RANBP17: variants seen among roughly 807,000 people sequenced by gnomAD.
The protein encoded by RANBP17 is ran-binding protein 17.
RANBP17 carries 158 observed loss-of-function variants against 141.2 expected under a neutral mutation model. That is an observed-to-expected ratio of 1.12 (90% confidence interval 0.98 to 1.28). The LOEUF (loss-of-function observed/expected upper bound fraction) is 1.28. Among genes scored for constraint, RANBP17 ranks in the 50% most tolerant of loss-of-function variants. The pLI, the probability that RANBP17 is intolerant of heterozygous loss-of-function variation, is 0.00. For synonymous variants in RANBP17, 430 were observed against 450.0 expected (o/e 0.96, Z 0.56); for missense variants, 1,438 against 1,290.7 (o/e 1.11, Z -1.75).
At chr5:171,262,024 A>T (rs1766364366) in intron 24 of RANBP17, among the ~76,000 whole-genome samples, 1 of 152,194 alleles carries the variant, frequency 6.6e-6, no homozygotes, top group African/African-American at 2.4e-5. Flanking sequence ...TATTGCGAGG[A>T]TATATGCTCC....
Position 170,892,128 on chromosome 5 carries a change from T to C in RANBP17, c.257-259T>C, listed in dbSNP as rs1466990318. ...CTTTTTTGTTTAAAGTTCACAAAAT[T>C]CTTTTTTTTTTTTTTTTTTTACATT... On this transcript the variant is annotated intron_variant, in intron 3 of 27. Coordinates refer to ENST00000523189, the MANE Select transcript of RANBP17 (RefSeq NM_022897.5). 4.9e-5 allele frequency among the ~76,000 whole-genome samples: 5 copies of C among 101,402 alleles called. No individual in the cohort carries two copies. In the South Asian group the frequency reaches 3.0e-3, roughly 61 times the overall value. The allele number at this position is 101,402 out of a possible 152,430, so 66.5% of individuals were successfully genotyped here. A position where few individuals can be genotyped will look rare whatever the true frequency, so the allele number is the denominator to read the frequency against.
chr5:171,157,765 GTTTC>G (rs1469114045), intron 14 of RANBP17, among the ~76,000 whole-genome samples: 1 of 152,174 alleles, frequency 6.6e-6, no homozygotes, highest in Non-Finnish European at 1.5e-5. Context: ...CATAAGTTTT[GTTTC>G]TTTATTTTAG....
intron 14 of RANBP17, among the ~76,000 whole-genome samples, chr5:171,119,274 G>A (rs576979420): frequency 1.3e-5 from 2 of 152,220 alleles, no homozygotes; most frequent in African/African-American, 2.4e-5. Flanking sequence ...ATTTGATTCA[G>A]TTTGCTAGCA....
chr5:170,899,227 G>A (rs1770406817), intron 5 of RANBP17, among the ~76,000 whole-genome samples: 1 of 152,080 alleles, frequency 6.6e-6, no homozygotes, highest in Non-Finnish European at 1.5e-5. Context: ...CCTTGAAGAG[G>A]TCCTTTACAT....
chr5:171,080,100 T>G (rs959951279), intron 14 of RANBP17, among the ~76,000 whole-genome samples: 6 of 152,134 alleles, frequency 3.9e-5, no homozygotes, highest in Non-Finnish European at 8.8e-5. Flanking sequence ...GTGTTTTGTT[T>G]TGTTTTCTTT....
intron 4 of RANBP17, among the ~76,000 whole-genome samples, chr5:170,895,631 G>A (rs1187385011): frequency 6.6e-6 from 1 of 152,102 alleles, no homozygotes; most frequent in African/African-American, 2.4e-5. Context: ...ATTTATTGTT[G>A]AGTGTCTCTA....
At chr5:171,183,711 G>T (rs948001905) in intron 18 of RANBP17, among the ~76,000 whole-genome samples, 5 of 152,108 alleles carry the variant, frequency 3.3e-5, no homozygotes, top group African/African-American at 1.2e-4. Flanking sequence ...TAATTTTACT[G>T]CTATGAATCT....
At chr5:171,000,644 A>G (rs1779136947) in intron 14 of RANBP17, among the ~76,000 whole-genome samples, 1 of 152,178 alleles carries the variant, frequency 6.6e-6, no homozygotes, top group Non-Finnish European at 1.5e-5. Flanking sequence ...TGTTTATTTC[A>G]TCTGGGTGCA....
chr5:170,937,909 TAA>T lies in RANBP17; in HGVS notation c.1468+13360_1468+13361del, dbSNP rs535413262. ...CAAAAGTAAAGAGTTAGTAATAACT[TAA>T]GTGTGGTCAACTACATCCTCTGAAA... On this transcript the variant is annotated intron_variant, in intron 12 of 27. Coordinates refer to ENST00000523189, the MANE Select transcript of RANBP17 (RefSeq NM_022897.5). Among the ~76,000 whole-genome samples, 24 of 152,308 alleles carry T rather than the reference TAA, an allele frequency of 1.6e-4. No homozygotes were observed. The East Asian group carries it at 4.4e-3, about 28-fold the overall frequency.
rs544268466 is a variant in RANBP17 at position 171,238,848 on chromosome 5, G to A, written c.2423-2080G>A. Among the ~76,000 whole-genome samples, 34 of 152,268 alleles carry A rather than the reference G, an allele frequency of 2.2e-4. No homozygotes were observed. In the South Asian group the frequency reaches 6.4e-3, roughly 29 times the overall value. ...ATCCTTCAAACTTAGCCTGTTCTGT[G>A]AAGCCTTTCCCCCTGCCCTCCTGCC... On this transcript the variant is annotated intron_variant, in intron 22 of 27. Transcript: ENST00000523189.
chr5:171,080,420 A>G (rs955645462), intron 14 of RANBP17, among the ~76,000 whole-genome samples: 2 of 151,918 alleles, frequency 1.3e-5, no homozygotes, highest in South Asian at 4.2e-4. Context: ...AGTCAGTGCA[A>G]CTCTTTTTTG....
At chr5:170,973,375 A>G (rs1777126760) in intron 14 of RANBP17, among the ~76,000 whole-genome samples, 1 of 152,194 alleles carries the variant, frequency 6.6e-6, no homozygotes, top group African/African-American at 2.4e-5. Flanking sequence ...AAAGCAGAAT[A>G]CTATGATTTA....
intron 12 of RANBP17, among the ~76,000 whole-genome samples, chr5:170,933,990 A>G (rs916487622): frequency 6.6e-6 from 1 of 151,930 alleles, no homozygotes; most frequent in Non-Finnish European, 1.5e-5. Context: ...TGTCTCGTTG[A>G]TCTGTGTAAT....
At chr5:171,235,451 T>G (rs1764483533) in intron 22 of RANBP17, among the ~76,000 whole-genome samples, 1 of 152,002 alleles carries the variant, frequency 6.6e-6, no homozygotes, top group Non-Finnish European at 1.5e-5. Flanking sequence ...TGCCTTGTCT[T>G]TAAGCACATA....
At position 171,296,024 on chromosome 5, in the gene RANBP17, G is replaced by T. The variant is rs779206769; in HGVS notation, c.3170+10G>T. ...TCAAGAACAGAGACAGGTGAGCATT[G>T]CCCAGTAGTGTGTCACTGGGGGAAG... On this transcript the variant is annotated intron_variant, in intron 27 of 27. Coordinates refer to ENST00000523189, the MANE Select transcript of RANBP17 (RefSeq NM_022897.5). The T allele has an allele frequency of 7.5e-6, 12 of 1,610,658 alleles. No homozygotes were observed. The African/African-American group carries it at 8.0e-5, about 11-fold the overall frequency.
At chr5:170,912,460 G>A (rs1581128446) in intron 7 of RANBP17, among the ~76,000 whole-genome samples, 1 of 151,988 alleles carries the variant, frequency 6.6e-6, no homozygotes, top group East Asian at 1.9e-4. Context: ...AAAATGGAGG[G>A]TAGTTAATAG....
Position 171,205,542 on chromosome 5 carries a change from G to A in RANBP17, c.2161G>A (p.Ala721Thr), listed in dbSNP as rs1376180114. The A allele has an allele frequency of 1.2e-6, 2 of 1,613,942 alleles. No individual in the cohort carries two copies. Among genetic ancestry groups the A allele is most frequent in the Non-Finnish European group, 1.7e-6 (2 of 1,179,882 alleles). Reference protein sequence around the residue: ...EDVKRMLIGLARDLRGIAFAL... With the variant: ...EDVKRMLIGLTRDLRGIAFAL... ...CTGACAGCGTATGTTGATCGGGCTG[G>A]CAAGAGATCTTCGAGGGATTGCCTT... Residue 721 changes from alanine (A) to threonine (T), a missense_variant, in exon 20 of 28, where the codon GCA becomes ACA. By Grantham distance (58) the Ala-to-Thr change is moderately conservative. Transcript: ENST00000523189.
chr5:171,205,837 G>A, intron 20 of RANBP17: 2 of 628,944 alleles, frequency 3.2e-6, no homozygotes, highest in Admixed American at 4.4e-5. Context: ...GTTAAATATT[G>A]ATAACTTAAA....
At chr5:170,904,044 G>A (rs1315618267) in intron 5 of RANBP17, 5 of 468,472 alleles carry the variant, frequency 1.1e-5, no homozygotes, top group South Asian at 1.9e-5. Flanking sequence ...GCTGCTTCAG[G>A]CAGACCCTAA....
Sources: allele counts gnomAD v4.1 joint callset (sites outside exome capture counted in the v4.1 genomes callset), GRCh38; gene constraint gnomAD v4.1.1; transcripts MANE v1.5; gene names NCBI Gene and HGNC (gene_info 2026-07-23, HGNC 2026-07-21).